Variants in FBXL18 observed in about 807,000 individuals in gnomAD.
The protein encoded by FBXL18 is F-box/LRR-repeat protein 18.
A neutral mutation model predicts 46.0 loss-of-function variants in FBXL18; 36 were observed. The ratio of observed to expected loss-of-function variants is 0.78; its 90% CI spans 0.60 to 1.03. The LOEUF (loss-of-function observed/expected upper bound fraction) is 1.03, where lower values mean the gene tolerates loss of function less well. Ranked by LOEUF, FBXL18 falls within the 50% of genes least tolerant of loss-of-function variation. The pLI, the probability that FBXL18 is intolerant of heterozygous loss-of-function variation, is 0.00. For synonymous variants in FBXL18, 557 were observed against 465.3 expected, an observed-to-expected ratio of 1.20 and a Z score of -2.54; for missense variants, 977 against 1,004.1, an observed-to-expected ratio of 0.97 and a Z score of 0.36.
intron 1 of FBXL18, among the ~76,000 whole-genome samples, chr7:5,508,853 G>A (rs572453369): frequency 7.9e-5 from 12 of 152,160 alleles, no homozygotes; most frequent in African/African-American, 9.6e-5. Context: ...CAGAGCTCAC[G>A]TGGTAAGAAT....
chr7:5,474,428 C>A (rs1783475456), downstream of FBXL18, among the ~76,000 whole-genome samples: 2 of 151,484 alleles, frequency 1.3e-5, no homozygotes, highest in South Asian at 4.2e-4. Flanking sequence ...TCTGCCTCAG[C>A]CTCCCCCTAA....
Position 5,505,515 on chromosome 7 carries a change from C to T in FBXL18, c.134G>A (p.Ser45Asn). The change falls in exon 2 of 5, where the codon AGC becomes AAC. Residue 45 changes from serine (S) to asparagine (N), a missense_variant. Coordinates refer to ENST00000382368, the MANE Select transcript of FBXL18 (RefSeq NM_024963.6). ...CCGGACGTTCAGAATCAGATCTGTG[C>T]TGGGGACGTGACTCAGGATGTGAAG... ...ILLHILSHVPSTDLILNVRRT... is the reference protein window; with the variant it reads ...ILLHILSHVPNTDLILNVRRT... 1 of 1,614,154 alleles carries T rather than the reference C, an allele frequency of 6.2e-7. No individual in the cohort carries two copies. Among genetic ancestry groups the T allele is most frequent in the Non-Finnish European group, 8.5e-7 (1 of 1,180,032 alleles).
rs1006861407 is a variant in FBXL18, at chr7:5,486,482, T to C, written c.2001-4551A>G. ...GCCTGGGCAACATAGGGAGACTCCA[T>C]CTCTATAAAAAAATGTAAAAATTAG... On this transcript the variant is annotated intron_variant, in intron 4 of 4. Transcript: ENST00000382368. 2.0e-5 allele frequency among the ~76,000 whole-genome samples: 3 copies of C among 151,198 alleles called. 1 individual carries two copies. Among genetic ancestry groups the C allele is most frequent in the South Asian group, 4.2e-4 (2 of 4,800 alleles).
chr7:5,485,236 G>A (rs1259244005), intron 4 of FBXL18, among the ~76,000 whole-genome samples: 3 of 152,200 alleles, frequency 2.0e-5, no homozygotes, highest in East Asian at 1.9e-4. Flanking sequence ...CCACTCTAGA[G>A]TAGTGTGTGG....
intron 3 of FBXL18, among the ~76,000 whole-genome samples, chr7:5,492,257 G>A (rs1313491990): frequency 6.6e-6 from 1 of 150,602 alleles, no homozygotes; most frequent in African/African-American, 2.4e-5. Flanking sequence ...AGAAGGACAG[G>A]CCATGTCTCG....
intron 1 of FBXL18, among the ~76,000 whole-genome samples, chr7:5,513,033 C>T (rs550721399): frequency 3.9e-5 from 6 of 152,300 alleles, no homozygotes; most frequent in Non-Finnish European, 8.8e-5. Flanking sequence ...CGGGAAGCCA[C>T]TAGTCAGAGT....
chr7:5,495,795 G>A lies in FBXL18; in HGVS notation c.1782-4346C>T, dbSNP rs192707290. ...GCAGCGTCCGGGCTCCCTTGCCGCA[G>A]AAGGCAGGAATCCAGAGGAACGGGG... is the stretch of plus-strand genomic sequence containing the variant. On this transcript the variant is annotated intron_variant, in intron 3 of 4. Transcript: ENST00000382368. 4,240 of 473,816 alleles carry A rather than the reference G, an allele frequency of 8.9e-3. 47 individuals are homozygous for A. The highest frequency in any genetic ancestry group is 0.034 in the African/African-American group (1,713 of 50,334). 29.4% of individuals were successfully genotyped at this position (473,816 alleles called of 1,614,324 possible). A position where few individuals can be genotyped will look rare whatever the true frequency, so the allele number is the denominator to read the frequency against.
chr7:5,482,501 C>G (rs907080768), intron 4 of FBXL18, among the ~76,000 whole-genome samples: 2 of 151,228 alleles, frequency 1.3e-5, no homozygotes, highest in Non-Finnish European at 3.0e-5. Flanking sequence ...GCGACCCCCC[C>G]CCAATGCCCC....
chr7:5,468,531 G>C (rs1783380646), intron 4 of FBXL18, among the ~76,000 whole-genome samples: 1 of 152,124 alleles, frequency 6.6e-6, no homozygotes, highest in African/African-American at 2.4e-5. Flanking sequence ...TTTTCCCTCT[G>C]TTCTACTTTT....
chr7:5,503,645 C>T (rs186406263), intron 2 of FBXL18, among the ~76,000 whole-genome samples: 10 of 152,102 alleles, frequency 6.6e-5, no homozygotes, highest in Admixed American at 2.0e-4. Flanking sequence ...TAGGCATGAG[C>T]CACCAGACCC....
At chr7:5,474,377 C>T (rs193273579), downstream of FBXL18, among the ~76,000 whole-genome samples, 14 of 150,764 alleles carry the variant, frequency 9.3e-5, no homozygotes, top group African/African-American at 2.7e-4. Flanking sequence ...GGTGCAATCA[C>T]GGCTCACTGC....
intron 4 of FBXL18, among the ~76,000 whole-genome samples, chr7:5,464,634 G>A (rs1388500197): frequency 8.5e-6 from 1 of 117,746 alleles, no homozygotes. Context: ...CTGAACTCTA[G>A]CCTGGGCCAA....
chr7:5,486,543 C>A (rs536997257), intron 4 of FBXL18, among the ~76,000 whole-genome samples: 439 of 151,988 alleles, frequency 2.9e-3, no homozygotes, highest in South Asian at 7.1e-3. Context: ...GTCCCAGGTA[C>A]TGAGGAGGCT....
intron 3 of FBXL18, among the ~76,000 whole-genome samples, chr7:5,494,323 C>A (rs1388793822): frequency 1.3e-5 from 2 of 151,782 alleles, no homozygotes; most frequent in African/African-American, 4.8e-5. Flanking sequence ...CCCATTATCC[C>A]AGCTACTGGG....
At chr7:5,462,973 T>A (rs1234985074) in intron 4 of FBXL18, among the ~76,000 whole-genome samples, 3,063 of 15,524 alleles carry the variant, frequency 0.2, 296 homozygotes, top group East Asian at 0.28. Context: ...AAAAAAAATA[T>A]ATATATATAT....
chr7:5,482,615 A>G (rs1176161017), intron 4 of FBXL18, among the ~76,000 whole-genome samples: 1 of 151,130 alleles, frequency 6.6e-6, no homozygotes, highest in Non-Finnish European at 1.5e-5. Flanking sequence ...CTCGACAGAC[A>G]TGACCTCATT....
In FBXL18 at chr7:5,501,326, T is replaced by G. The variant is rs200815360; in HGVS notation, c.943A>C (p.Asn315His). 8.6e-4 allele frequency: 1,390 copies of G among 1,614,106 alleles called. 17 individuals carry two copies. The South Asian group carries it at 0.012, about 14-fold the overall frequency. Residue 315 changes from asparagine (N) to histidine (H), a missense_variant, in exon 3 of 5, where the codon AAC (asparagine) becomes CAC (histidine). Coordinates refer to ENST00000382368, the MANE Select transcript of FBXL18 (RefSeq NM_024963.6). ...CGGCTGAAACTGAAGTAGAACGGGT[T>G]GTTGAATTTCATGTGCTGCAGGAGG... Reference protein sequence around the residue: ...SSLLQHMKFNNPFYFSFSRCT... With the variant: ...SSLLQHMKFNHPFYFSFSRCT...
At chr7:5,500,047 A>C (rs1784190986) in intron 3 of FBXL18, among the ~76,000 whole-genome samples, 2 of 151,710 alleles carry the variant, frequency 1.3e-5, no homozygotes, top group Admixed American at 1.3e-4. Flanking sequence ...CTTGGATGAC[A>C]GAGCGAGACC....
Position 5,491,344 on chromosome 7 carries a change from C to T in FBXL18, c.1887G>A (p.Gln629=), listed in dbSNP as rs1287824486. The change falls in exon 4 of 5, where the codon CAG becomes CAA. Residue 629 remains glutamine, a synonymous_variant. Coordinates refer to ENST00000382368, the MANE Select transcript of FBXL18 (RefSeq NM_024963.6). ...CCATGAAGGCCAGCACGGCATCGGG[C>T]TGGAGGGTGCCGCTGCGAGAGACCA... ...LCLVSRSGTL[Q]PDAVLAFMAR... The T allele has an allele frequency of 6.2e-7, 1 of 1,611,366 alleles. No individual in the cohort carries two copies. The highest frequency in any genetic ancestry group is 1.7e-5 in the Admixed American group (1 of 59,690).
Sources: gnomAD v4.1 joint callset for allele counts (sites outside exome capture counted in the v4.1 genomes callset) on GRCh38, gnomAD v4.1.1 for gene constraint, MANE v1.5 for transcripts, NCBI Gene and HGNC (gene_info 2026-07-23, HGNC 2026-07-21) for gene names.